Variants in MORC2 observed in about 807,000 individuals in gnomAD.
MORC2 encodes MORC family CW-type zinc finger 2.
A neutral mutation model predicts 136.0 loss-of-function variants in MORC2; 30 were observed. The ratio of observed to expected loss-of-function variants is 0.22; its 90% CI spans 0.17 to 0.30. The LOEUF is 0.30. Ranked by LOEUF, MORC2 falls within the 10% of genes least tolerant of loss-of-function variation. The pLI is 1.00. For missense variants in MORC2, 922 were observed against 1,333.1 expected, an observed-to-expected ratio of 0.69 and a Z score of 4.80; for synonymous variants, 439 against 487.0, an observed-to-expected ratio of 0.90 and a Z score of 1.30.
At position 30,935,024 on chromosome 22, in the gene MORC2, G is replaced by T; in HGVS notation, c.1950C>A (p.Thr650=). The T allele has an allele frequency of 6.2e-7, 1 of 1,614,104 alleles. No homozygotes were observed. The highest frequency in any genetic ancestry group is 1.3e-5 in the African/African-American group (1 of 75,018). Reference sequence around the variant, plus strand: ...GGGCTGCCAAAGCAGGGAGCTTTGGGGTACTGCTGATGACAGGAGCCTTTC... The same window carrying T: ...GGGCTGCCAAAGCAGGGAGCTTTGGTGTACTGCTGATGACAGGAGCCTTTC... ...QPRKAPVISS[T]PKLPALAARE... The change falls in exon 19 of 26, where the codon ACC becomes ACA. Residue 650 remains threonine (T), a synonymous_variant. Transcript: ENST00000397641.
chr22:30,960,767 A>G (rs1470386711), intron 1 of MORC2, among the ~76,000 whole-genome samples: 3 of 150,682 alleles, frequency 2.0e-5, no homozygotes, highest in African/African-American at 7.3e-5. Context: ...CTGGGATTAC[A>G]GCCATAAGCC....
At position 30,928,198 on chromosome 22, in the gene MORC2, A is replaced by C. The variant is rs2040518856; in HGVS notation, c.2851T>G (p.Phe951Val). Residue 951 changes from phenylalanine to valine, a missense_variant, in exon 25 of 26, where the codon TTC (phenylalanine) becomes GTC (valine). Coordinates refer to ENST00000397641, the MANE Select transcript of MORC2 (RefSeq NM_001303256.3). ...ELISFPLKEYFKQYEVGLQNL... is the reference protein window; with the variant it reads ...ELISFPLKEYVKQYEVGLQNL... Reference sequence around the variant, plus strand: ...TGGAGCCCTACTTCATATTGCTTGAAGTACTCCTTCTGTTGGGAGCAGAGC... The same window carrying C: ...TGGAGCCCTACTTCATATTGCTTGACGTACTCCTTCTGTTGGGAGCAGAGC... 6.2e-7 allele frequency: 1 copy of C among 1,614,024 alleles called. No individual in the cohort carries two copies. The highest frequency in any genetic ancestry group is 1.3e-5 in the African/African-American group (1 of 74,922).
intron 3 of MORC2, among the ~76,000 whole-genome samples, chr22:30,954,445 A>G (rs1398170019): frequency 6.6e-6 from 1 of 152,200 alleles, no homozygotes; most frequent in Non-Finnish European, 1.5e-5. Context: ...CTATCACACC[A>G]TTTAATCCTT....
At chr22:30,967,258 A>G (rs1357121499) in intron 1 of MORC2, 3 of 986,270 alleles carry the variant, frequency 3.0e-6, no homozygotes, top group Non-Finnish European at 3.6e-6. Context: ...GGGAAAGACT[A>G]TCTAAATAGA....
intron 12 of MORC2, among the ~76,000 whole-genome samples, chr22:30,939,247 G>C (rs942014233): frequency 4.6e-5 from 7 of 152,164 alleles, no homozygotes; most frequent in African/African-American, 1.7e-4. Context: ...AAAAAATAGG[G>C]TCGTATCACC....
chr22:30,954,535 G>T (rs936540664), intron 3 of MORC2, among the ~76,000 whole-genome samples: 5 of 152,124 alleles, frequency 3.3e-5, no homozygotes, highest in Admixed American at 3.3e-4. Context: ...TCCAATTAAA[G>T]ACTAAGTTCT....
intron 1 of MORC2, chr22:30,966,979 T>A: frequency 2.0e-6 from 1 of 509,590 alleles, no homozygotes; most frequent in Non-Finnish European, 2.5e-6. Flanking sequence ...GTCTATACTC[T>A]CGACTCTGAA....
chr22:30,967,224 C>G, intron 1 of MORC2: 2 of 986,062 alleles, frequency 2.0e-6, no homozygotes, highest in Non-Finnish European at 2.4e-6. Context: ...ACCATGAACA[C>G]TGTATGTTTC....
Position 30,934,634 on chromosome 22 carries a change from A to G in MORC2, c.2193+147T>C. The G allele has an allele frequency of 8.4e-7, 1 of 1,196,360 alleles. No individual in the cohort carries two copies. Among genetic ancestry groups the G allele is most frequent in the Non-Finnish European group, 1.2e-6 (1 of 853,446 alleles). 74.1% of individuals were successfully genotyped at this position (1,196,360 alleles called of 1,614,324 possible). On this transcript the variant is annotated intron_variant, in intron 19 of 25. Coordinates refer to ENST00000397641, the MANE Select transcript of MORC2 (RefSeq NM_001303256.3). This position sits in a 1 kb window ranked among gnomAD's most constrained non-coding sequence, Gnocchi z 4.4. ...CTGGCCCCAACAAGTCCGTTCAGCT[A>G]TCAAGGCTTCCCGTCCTCAGGGGCA... is the stretch of plus-strand genomic sequence containing the variant.
Position 30,937,014 on chromosome 22 carries a change from G to A in MORC2, c.1522C>T (p.Leu508Phe). 6.2e-7 allele frequency: 1 copy of A among 1,614,004 alleles called. No homozygotes were observed. The highest frequency in any genetic ancestry group is 8.5e-7 in the Non-Finnish European group (1 of 1,179,962). Residue 508 changes from leucine (L) to phenylalanine (F), a missense_variant, in exon 16 of 26, where the codon CTC becomes TTC. Physicochemically the swap from Leu to Phe is conservative, Grantham distance 22 (BLOSUM62 0). Coordinates refer to ENST00000397641, the MANE Select transcript of MORC2 (RefSeq NM_001303256.3). The surrounding 1 kb of genome is among the most constrained non-coding windows in gnomAD (Gnocchi z 4.7). ...TCCACAGAACTCAGCTGGAAGGGGA[G>A]GGTTCTCCATTTCAGACACAAATCT... Reference protein sequence around the residue: ...QCDLCLKWRTLPFQLSSVEKD... With the variant: ...QCDLCLKWRTFPFQLSSVEKD...
intron 20 of MORC2, among the ~76,000 whole-genome samples, 192 bp from the exon 21 acceptor site, chr22:30,933,712 A>G (rs1346359946): frequency 6.6e-6 from 1 of 152,162 alleles, no homozygotes; most frequent in Admixed American, 6.5e-5. Flanking sequence ...TACCTTTACG[A>G]ACAAGACAGC....
intron 5 of MORC2, among the ~76,000 whole-genome samples, chr22:30,948,140 AG>A (rs1246504365): frequency 6.6e-6 from 1 of 152,196 alleles, no homozygotes; most frequent in Non-Finnish European, 1.5e-5. Flanking sequence ...TATAAATGTC[AG>A]AGATTAGAAC....
At chr22:30,927,026 A>C (rs1602470443) in intron 25 of MORC2, among the ~76,000 whole-genome samples, 155 bp from the exon 26 acceptor site, 1 of 146,704 alleles carries the variant, frequency 6.8e-6, no homozygotes, top group Non-Finnish European at 1.5e-5. Flanking sequence ...TGTCTTAATC[A>C]CTCTCCCCTC....
intron 6 of MORC2, among the ~76,000 whole-genome samples, chr22:30,942,658 T>A (rs2040757932): frequency 6.6e-6 from 1 of 152,280 alleles, no homozygotes; most frequent in Admixed American, 6.5e-5. Context: ...ATTCCACTCC[T>A]AGGTACATAC....
chr22:30,966,505 T>G lies in MORC2; in HGVS notation c.68+1317A>C, dbSNP rs56715005. 8.4e-3 allele frequency among the ~76,000 whole-genome samples: 1,280 copies of G among 152,312 alleles called. 17 individuals carry two copies. Among genetic ancestry groups the G allele is most frequent in the East Asian group, 0.052 (272 of 5,188 alleles). On this transcript the variant is annotated intron_variant, in intron 1 of 25. Coordinates refer to ENST00000397641, the MANE Select transcript of MORC2 (RefSeq NM_001303256.3). ...GGTGACTGCTACAGGCCGGCCATGG[T>G]GGCTCATGCCTGTAATCCCAGCACT...
At chr22:30,965,314 T>C (rs2041111406) in intron 1 of MORC2, among the ~76,000 whole-genome samples, 1 of 152,228 alleles carries the variant, frequency 6.6e-6, no homozygotes, top group Non-Finnish European at 1.5e-5. Flanking sequence ...TCTTCCCTTC[T>C]CTGAAGATGA....
chr22:30,959,330 T>G (rs1188275966), intron 1 of MORC2, among the ~76,000 whole-genome samples: 1 of 152,216 alleles, frequency 6.6e-6, no homozygotes, highest in South Asian at 2.1e-4. Context: ...CTAGAAGGAA[T>G]TGTTGGAAAA....
intron 2 of MORC2, among the ~76,000 whole-genome samples, chr22:30,957,252 T>C (rs563339992): frequency 6.6e-6 from 1 of 152,258 alleles, no homozygotes; most frequent in South Asian, 2.1e-4. Context: ...CTGTGAAAAA[T>C]CACTTCTCGT....
intron 2 of MORC2, 59 bp from the exon 3 acceptor site, chr22:30,956,856 G>T: frequency 1.5e-6 from 2 of 1,332,812 alleles, no homozygotes; most frequent in Non-Finnish European, 2.1e-6. Context: ...CCATCAAAAT[G>T]CATAGTGATT....
Sources: allele counts gnomAD v4.1 joint callset (sites outside exome capture counted in the v4.1 genomes callset), GRCh38; gene constraint gnomAD v4.1.1; non-coding constraint Gnocchi (gnomAD v3.1); transcripts MANE v1.5; gene names NCBI Gene and HGNC (gene_info 2026-07-23, HGNC 2026-07-21).